SS18: variants seen among roughly 807,000 people sequenced by gnomAD.
The protein encoded by SS18 is protein SSXT.
Under a neutral mutation model 72.5 loss-of-function variants are expected in SS18, and 28 were observed. The ratio of observed to expected loss-of-function variants is 0.39; its 90% CI spans 0.29 to 0.53. SS18 has a LOEUF of 0.53. SS18 is among the 20% of genes least tolerant of loss of function. The pLI is 0.76. For synonymous variants in SS18, 172 were observed against 164.2 expected (o/e 1.05, Z -0.37); for missense variants, 518 against 535.3 (o/e 0.97, Z 0.32).
At chr18:26,080,250 A>G (rs558496176) in intron 2 of SS18, 8 of 661,228 alleles carry the variant, frequency 1.2e-5, no homozygotes, top group South Asian at 6.8e-5. Flanking sequence ...ATAGTGTTCC[A>G]TATCTTGCCA....
chr18:26,074,667 G>T (rs1001370266), intron 3 of SS18, among the ~76,000 whole-genome samples: 1 of 151,758 alleles, frequency 6.6e-6, no homozygotes, highest in African/African-American at 2.4e-5. Flanking sequence ...TCACAACTGA[G>T]AAAAATTTAT....
Position 26,016,389 on chromosome 18 carries a change from C to T in SS18, c.*1965G>A, listed in dbSNP as rs999194542. 3.8e-4 allele frequency: 69 copies of T among 183,204 alleles called. No homozygotes were observed. Among genetic ancestry groups the T allele is most frequent in the East Asian group, 3.6e-3 (40 of 11,192 alleles). The allele number at this position is 183,204 out of a possible 1,614,324, so 11.3% of individuals were successfully genotyped here. ...TAAGGCTGTCCATGATTTATCTGTT[C>T]AAACTTGATGTCCATTTTCTACTGA... is the stretch of plus-strand genomic sequence containing the variant. On this transcript the variant is annotated 3_prime_UTR_variant, in exon 11 of 11. Transcript: ENST00000415083.
chr18:26,045,465 A>G (rs1025847059), intron 5 of SS18, among the ~76,000 whole-genome samples: 7 of 152,242 alleles, frequency 4.6e-5, no homozygotes, highest in Admixed American at 4.6e-4. Context: ...CCTGTGCCAC[A>G]TTCTTTTTCT....
At chr18:26,023,165 C>A (rs2053382473) in intron 10 of SS18, among the ~76,000 whole-genome samples, 1 of 151,956 alleles carries the variant, frequency 6.6e-6, no homozygotes, top group Non-Finnish European at 1.5e-5. Flanking sequence ...ATCACGCACA[C>A]AAAGGACAGA....
intron 3 of SS18, among the ~76,000 whole-genome samples, chr18:26,074,830 A>G (rs1458646923): frequency 1.3e-5 from 2 of 151,936 alleles, no homozygotes; most frequent in Admixed American, 1.3e-4. Context: ...GACTTAAAAA[A>G]CCCATAATAA....
At chr18:26,061,112 G>A (rs9960384) in intron 3 of SS18, among the ~76,000 whole-genome samples, 9,729 of 152,258 alleles carry the variant, frequency 0.064, 873 homozygotes, top group African/African-American at 0.2. Context: ...AGGAGATCGA[G>A]ACCATCCTGG....
intron 6 of SS18, 95 bp downstream of exon 6, chr18:26,039,194 A>G: frequency 3.3e-6 from 3 of 910,426 alleles, no homozygotes; most frequent in Non-Finnish European, 4.5e-6. Flanking sequence ...AAAAAAAAAA[A>G]AGAAAACGCC....
chr18:26,090,435 TC>T, intron 1 of SS18, 65 bp downstream of exon 1: 3 of 1,498,342 alleles, frequency 2.0e-6, no homozygotes, highest in South Asian at 1.2e-5. Flanking sequence ...GCCCGGCCCT[TC>T]CCCCCGCGTC....
At chr18:26,082,632 T>TA in intron 2 of SS18, 1 of 490,394 alleles carries the variant, frequency 2.0e-6, no homozygotes, top group Non-Finnish European at 2.6e-6. Flanking sequence ...TCACGTGTGT[T>TA]ACCAGAATTT....
chr18:26,031,964 G>A (rs927625655), intron 10 of SS18, among the ~76,000 whole-genome samples: 6 of 152,090 alleles, frequency 3.9e-5, no homozygotes, highest in African/African-American at 9.7e-5. Flanking sequence ...AAATCACTAA[G>A]GTTACCAGAG....
intron 9 of SS18, among the ~76,000 whole-genome samples, chr18:26,034,604 C>CAGTA (rs1416082769): frequency 6.6e-6 from 1 of 150,462 alleles, no homozygotes; most frequent in Non-Finnish European, 1.5e-5. Context: ...AAAAAAAAAT[C>CAGTA]AGTATGTCTT....
At chr18:26,055,415 C>T (rs191422748) in intron 4 of SS18, among the ~76,000 whole-genome samples, 4 of 151,540 alleles carry the variant, frequency 2.6e-5, no homozygotes, top group Admixed American at 6.6e-5. Context: ...TGCAGTGAGC[C>T]GAGATTGTGC....
At chr18:26,044,781 G>T (rs985233120) in intron 5 of SS18, among the ~76,000 whole-genome samples, 1 of 151,944 alleles carries the variant, frequency 6.6e-6, no homozygotes, top group African/African-American at 2.4e-5. Flanking sequence ...AAGCAGGGGG[G>T]TAAAGGATCG....
At chr18:26,060,771 CAAAAAAAAAAAAAAAAAAAAAAA>C (rs60999827) in intron 3 of SS18, among the ~76,000 whole-genome samples, 8 of 39,606 alleles carry the variant, frequency 2.0e-4, no homozygotes, top group East Asian at 5.8e-4. Context: ...CTAAAAATAC[CAAAAAAAAAAAAAAAAAAAAAAA>C]AAAAAAAAAA....
chr18:26,019,856 T>C (rs1215916568), intron 10 of SS18, among the ~76,000 whole-genome samples: 2 of 148,398 alleles, frequency 1.3e-5, no homozygotes, highest in African/African-American at 2.5e-5. Flanking sequence ...TACATAGTTA[T>C]ATTCAGCTAA....
At chr18:26,025,013 T>C (rs1445808659) in intron 10 of SS18, among the ~76,000 whole-genome samples, 1 of 152,176 alleles carries the variant, frequency 6.6e-6, no homozygotes, top group African/African-American at 2.4e-5. Flanking sequence ...GCAGTATTGA[T>C]ACTAGACAAA....
At chr18:26,023,590 A>G in intron 10 of SS18, 1 of 528,250 alleles carries the variant, frequency 1.9e-6, no homozygotes, top group Non-Finnish European at 3.7e-6. Context: ...GAGCATCTTT[A>G]AAGTATGGAA....
Position 26,087,472 on chromosome 18 carries a change from A to AT in SS18, c.146+28dup, listed in dbSNP as rs567662644. 393 of 1,361,196 alleles carry AT rather than the reference A, an allele frequency of 2.9e-4. 2 individuals carry two copies. The highest frequency in any genetic ancestry group is 2.1e-3 in the East Asian group (91 of 43,276). 84.3% of individuals were successfully genotyped at this position (1,361,196 alleles called of 1,614,324 possible). A position where few individuals can be genotyped will look rare whatever the true frequency, so the allele number is the denominator to read the frequency against. ...AAAATTAACCAATACAAAAAACTGA[A>AT]TAAAAAAAAAGTTTCTTATCAATCT... is the stretch of plus-strand genomic sequence containing the variant. On this transcript the variant is annotated intron_variant, in intron 2 of 10. Transcript: ENST00000415083.
At position 26,060,771 on chromosome 18, in the gene SS18, C is replaced by CAAAAAAAAAAAAAAAAAAAAAAA. The variant is rs60999827; in HGVS notation, c.232-3052_232-3030dup. 1.5e-4 allele frequency among the ~76,000 whole-genome samples: 6 copies of CAAAAAAAAAAAAAAAAAAAAAAA among 39,608 alleles called. 2 individuals carry two copies. Among genetic ancestry groups the CAAAAAAAAAAAAAAAAAAAAAAA allele is most frequent in the Non-Finnish European group, 3.4e-4 (6 of 17,606 alleles). 26.0% of individuals were successfully genotyped at this position (39,608 alleles called of 152,430 possible). A position where few individuals can be genotyped will look rare whatever the true frequency, so the allele number is the denominator to read the frequency against. ...GAAACTCTGTCTCTACTAAAAATAC[C>CAAAAAAAAAAAAAAAAAAAAAAA]AAAAAAAAAAAAAAAAAAAAAAAAA... On this transcript the variant is annotated intron_variant, in intron 3 of 10. Transcript: ENST00000415083.
Sources: allele counts gnomAD v4.1 joint callset (sites outside exome capture counted in the v4.1 genomes callset), GRCh38; gene constraint gnomAD v4.1.1; transcripts MANE v1.5; gene names NCBI Gene and HGNC (gene_info 2026-07-23, HGNC 2026-07-21).